PTPRD: variants seen among roughly 807,000 people sequenced by gnomAD.
PTPRD encodes protein tyrosine phosphatase receptor type D, also known as receptor-type tyrosine-protein phosphatase delta.
A neutral mutation model predicts 214.5 loss-of-function variants in PTPRD; 34 were observed. That is an observed-to-expected ratio of 0.16 (90% confidence interval 0.12 to 0.21). The LOEUF (loss-of-function observed/expected upper bound fraction) is 0.21. Ranked by LOEUF, PTPRD falls within the 10% of genes least tolerant of loss-of-function variation. The pLI is 1.00. For missense variants in PTPRD, 2,545 were observed against 2,398.7 expected, an observed-to-expected ratio of 1.06 and a Z score of -1.27; for synonymous variants, 1,128 against 845.7, an observed-to-expected ratio of 1.33 and a Z score of -5.79.
At chr9:9,541,017 A>AAAACAAATACCT (rs2077480006) in intron 8 of PTPRD, among the ~76,000 whole-genome samples, 1 of 151,834 alleles carries the variant, frequency 6.6e-6, no homozygotes, top group African/African-American at 2.4e-5. Flanking sequence ...GACTAAATAG[A>AAAACAAATACCT]AAACAAATAC....
Position 10,046,679 on chromosome 9 carries a change from C to T in PTPRD, c.-544-12889G>A, listed in dbSNP as rs1684198640. Among the ~76,000 whole-genome samples, 3 of 151,984 alleles carry T rather than the reference C, an allele frequency of 2.0e-5. No individual in the cohort carries two copies. The South Asian group carries it at 6.2e-4, about 32-fold the overall frequency. On this transcript the variant is annotated intron_variant, in intron 3 of 45. Transcript: ENST00000381196. The stretch of plus-strand genomic sequence containing the variant: ...AAAAATACATTCAATTAAACATGGA[C>T]CACTTACTTGAAATGATAAGATGGA...
At chr9:8,360,126 A>C (rs2078105329) in intron 39 of PTPRD, among the ~76,000 whole-genome samples, 1 of 152,214 alleles carries the variant, frequency 6.6e-6, no homozygotes, top group African/African-American at 2.4e-5. Context: ...AAAATAAATG[A>C]GTTGTTTCTG....
chr9:9,826,650 C>A (rs887809361), intron 5 of PTPRD, among the ~76,000 whole-genome samples: 3 of 151,962 alleles, frequency 2.0e-5, no homozygotes, highest in African/African-American at 7.2e-5. Context: ...TAGTGATATT[C>A]TCTTATAAAA....
At chr9:8,353,818 ATATATGTATATATGT>A (rs200291360) in intron 39 of PTPRD, among the ~76,000 whole-genome samples, 4,655 of 17,456 alleles carry the variant, frequency 0.27, 234 homozygotes, top group African/African-American at 0.36. Context: ...TCAAAAAAAA[ATATATGTATATATGT>A]ATATATGTAT....
At chr9:9,121,704 A>T (rs2154464297) in intron 10 of PTPRD, among the ~76,000 whole-genome samples, 1 of 152,234 alleles carries the variant, frequency 6.6e-6, no homozygotes, top group African/African-American at 2.4e-5. Context: ...GATAAAAGAC[A>T]ACAGATATGG....
chr9:8,684,444 CATGAT>C (rs2097632685), intron 12 of PTPRD, among the ~76,000 whole-genome samples: 1 of 151,772 alleles, frequency 6.6e-6, no homozygotes, highest in Non-Finnish European at 1.5e-5. Flanking sequence ...CTGCAAACCC[CATGAT>C]ACTCCTCTTT....
chr9:9,323,837 C>A (rs1011648124), intron 9 of PTPRD, among the ~76,000 whole-genome samples: 8 of 152,152 alleles, frequency 5.3e-5, no homozygotes, highest in African/African-American at 1.9e-4. Flanking sequence ...GCTATCCCTA[C>A]CCCATCCCCG....
At chr9:9,043,873 CA>C (rs1221036508) in intron 10 of PTPRD, among the ~76,000 whole-genome samples, 1 of 150,598 alleles carries the variant, frequency 6.6e-6, no homozygotes. Flanking sequence ...CACTGTACTC[CA>C]GCCTGGGTGA....
intron 14 of PTPRD, among the ~76,000 whole-genome samples, chr9:8,601,730 G>C (rs899383624): frequency 1.3e-5 from 2 of 152,194 alleles, no homozygotes; most frequent in African/African-American, 4.8e-5. Flanking sequence ...CTGATTGACA[G>C]TGTTGTCACA....
At chr9:9,797,239 G>A (rs902825691) in intron 5 of PTPRD, among the ~76,000 whole-genome samples, 3 of 128,144 alleles carry the variant, frequency 2.3e-5, no homozygotes, top group African/African-American at 9.3e-5. Context: ...CAGAATTTCA[G>A]GCAGTTTTTT....
chr9:8,516,916 A>G (rs900444815), intron 21 of PTPRD, among the ~76,000 whole-genome samples: 3 of 146,416 alleles, frequency 2.0e-5, no homozygotes, highest in African/African-American at 7.6e-5. Context: ...GGTTCAAGTG[A>G]TTCTCCTGCC....
intron 9 of PTPRD, among the ~76,000 whole-genome samples, chr9:9,283,553 C>T (rs1240853973): frequency 6.6e-6 from 1 of 151,380 alleles, no homozygotes; most frequent in Non-Finnish European, 1.5e-5. Context: ...AGTGATAGAA[C>T]AAATAGAAAA....
intron 8 of PTPRD, among the ~76,000 whole-genome samples, chr9:9,437,815 A>G (rs894702019): frequency 6.6e-6 from 1 of 152,138 alleles, no homozygotes; most frequent in African/African-American, 2.4e-5. Flanking sequence ...CCCTCCCTGA[A>G]CTTGGCAAGT....
chr9:9,948,206 C>G (rs1021861859), intron 4 of PTPRD, among the ~76,000 whole-genome samples: 1 of 152,060 alleles, frequency 6.6e-6, no homozygotes, highest in Non-Finnish European at 1.5e-5. Context: ...TGAGGCTATC[C>G]TCCTAAAGCA....
intron 10 of PTPRD, among the ~76,000 whole-genome samples, chr9:9,129,385 CAATAAATA>C (rs573395972): frequency 6.6e-6 from 1 of 151,972 alleles, no homozygotes; most frequent in African/African-American, 2.4e-5. Context: ...GACTCCGTCT[CAATAAATA>C]AATAAATAAA....
chr9:9,960,657 G>T (rs2094298207), intron 4 of PTPRD, among the ~76,000 whole-genome samples: 1 of 152,036 alleles, frequency 6.6e-6, no homozygotes, highest in Non-Finnish European at 1.5e-5. Context: ...AGAAAAACAG[G>T]AGACAAATTC....
chr9:10,308,719 T>C (rs76819812), intron 3 of PTPRD, among the ~76,000 whole-genome samples: 7,487 of 152,146 alleles, frequency 0.049, 619 homozygotes, highest in African/African-American at 0.17. Flanking sequence ...ATTTGTAATC[T>C]TTCCAATTTC....
chr9:8,694,573 A>T (rs10977253), intron 12 of PTPRD, among the ~76,000 whole-genome samples: 11 of 149,792 alleles, frequency 7.3e-5, no homozygotes, highest in African/African-American at 2.8e-4. Flanking sequence ...AATGACAAAC[A>T]ACAATACATT....
At chr9:9,436,683 A>C (rs1343591574) in intron 8 of PTPRD, among the ~76,000 whole-genome samples, 1 of 151,598 alleles carries the variant, frequency 6.6e-6, no homozygotes, top group Non-Finnish European at 1.5e-5. Flanking sequence ...TTGAAAAAAA[A>C]AATCTCTCTA....
Sources: allele counts gnomAD v4.1 joint callset (sites outside exome capture counted in the v4.1 genomes callset), GRCh38; gene constraint gnomAD v4.1.1; transcripts MANE v1.5; gene names NCBI Gene and HGNC (gene_info 2026-07-23, HGNC 2026-07-21).